The following FOXJ3 variants were observed in gnomAD, a reference collection of about 807,000 sequenced individuals.
FOXJ3 encodes forkhead box J3.
FOXJ3 carries 22 observed loss-of-function variants against 76.1 expected under a neutral mutation model. The observed-to-expected ratio is 0.29, with a 90% CI of 0.21 to 0.41. The LOEUF (loss-of-function observed/expected upper bound fraction) is 0.41. Ranked by LOEUF, FOXJ3 falls within the 10% of genes least tolerant of loss-of-function variation. The pLI is 1.00. For missense variants in FOXJ3, 613 were observed against 762.1 expected, an observed-to-expected ratio of 0.80 and a Z score of 2.30; for synonymous variants, 269 against 261.2, an observed-to-expected ratio of 1.03 and a Z score of -0.29.
intron 6 of FOXJ3, among the ~76,000 whole-genome samples, chr1:42,200,879 C>T (rs945670177): frequency 1.3e-5 from 2 of 152,172 alleles, no homozygotes; most frequent in African/African-American, 4.8e-5. Flanking sequence ...CCACAAAGAA[C>T]ATCTGGACTG....
In FOXJ3 at chr1:42,191,534, G is replaced by T. The variant is rs780674514; in HGVS notation, c.1120C>A (p.Gln374Lys). The T allele has an allele frequency of 5.6e-6, 9 of 1,614,024 alleles. No individual in the cohort carries two copies. The highest frequency in any genetic ancestry group is 1.7e-4 in the Middle Eastern group (1 of 6,058). ...SVAQVSLSHP[Q>K]MHTQPSPHPP... ...TGTGGAGATGGCTGTGTGTGCATCT[G>T]GGGGTGAGACAGTGAGACCTGTGCA... The change falls in exon 9 of 13, where the codon CAG (glutamine) becomes AAG (lysine). Residue 374 changes from glutamine to lysine, a missense_variant. Transcript: ENST00000361346.
At chr1:42,282,745 C>T (rs903668529) in intron 2 of FOXJ3, among the ~76,000 whole-genome samples, 2 of 152,154 alleles carry the variant, frequency 1.3e-5, no homozygotes, top group Admixed American at 6.6e-5. Context: ...AAACATCTCC[C>T]GCTACAGAAA....
intron 5 of FOXJ3, among the ~76,000 whole-genome samples, chr1:42,211,769 A>G (rs188547580): frequency 2.5e-4 from 38 of 152,314 alleles, no homozygotes; most frequent in Admixed American, 3.9e-4. Flanking sequence ...CATCTGAGAA[A>G]GCCACTACAC....
At chr1:42,329,752 T>C (rs1019246057) in intron 1 of FOXJ3, among the ~76,000 whole-genome samples, 6 of 152,264 alleles carry the variant, frequency 3.9e-5, no homozygotes, top group African/African-American at 1.2e-4. Context: ...TACACTGTAG[T>C]GTTAAGTCCA....
At chr1:42,325,572 G>T (rs1655784186) in intron 1 of FOXJ3, among the ~76,000 whole-genome samples, 1 of 152,170 alleles carries the variant, frequency 6.6e-6, no homozygotes, top group Non-Finnish European at 1.5e-5. Context: ...TGAGAGAAAT[G>T]ATGAGTCCAA....
chr1:42,198,906 T>A (rs1344628469), intron 7 of FOXJ3, among the ~76,000 whole-genome samples, 196 bp downstream of exon 7: 1 of 152,184 alleles, frequency 6.6e-6, no homozygotes, highest in Non-Finnish European at 1.5e-5. Flanking sequence ...AACCATTTTT[T>A]AAAAATCTAA....
chr1:42,280,320 C>T lies in FOXJ3; in HGVS notation c.45-1648G>A, dbSNP rs1486006517. 7 of 982,654 alleles carry T rather than the reference C, an allele frequency of 7.1e-6. No individual in the cohort carries two copies. The African/African-American group carries it at 1.2e-4, about 17-fold the overall frequency. The allele number at this position is 982,654 out of a possible 1,614,324, so 60.9% of individuals were successfully genotyped here. ...CAGTAAATTGAGTCCTCTTGATTTT[C>T]AGGTATGTTGATCCATAATTTTACC... On this transcript the variant is annotated intron_variant, in intron 2 of 12. Transcript: ENST00000361346.
chr1:42,228,217 G>A lies in FOXJ3; in HGVS notation c.445-251C>T, dbSNP rs149468568. Among the ~76,000 whole-genome samples the A allele has an allele frequency of 5.5e-3, 843 of 152,128 alleles. 1 individual carries two copies. The highest frequency in any genetic ancestry group is 9.4e-3 in the Non-Finnish European group (640 of 67,982). ...AGAACTTCTGCCACACCAAAATTTA[G>A]AAAGAAAATGATCAACAAAACACAT... On this transcript the variant is annotated intron_variant, in intron 4 of 12. Transcript: ENST00000361346.
At chr1:42,182,100 G>T in intron 11 of FOXJ3, 76 bp from the exon 12 acceptor site, 1 of 762,226 alleles carries the variant, frequency 1.3e-6, no homozygotes, top group East Asian at 2.7e-5. Context: ...AATCTTAACA[G>T]AATTGTTACT....
intron 2 of FOXJ3, among the ~76,000 whole-genome samples, chr1:42,289,719 A>AAAT (rs1351672895): frequency 2.6e-5 from 4 of 152,156 alleles, no homozygotes; most frequent in Non-Finnish European, 5.9e-5. Context: ...AAGCTATTTA[A>AAAT]CAATATAAAA....
At chr1:42,274,649 T>C (rs1652120695) in intron 3 of FOXJ3, among the ~76,000 whole-genome samples, 5 of 152,250 alleles carry the variant, frequency 3.3e-5, no homozygotes, top group African/African-American at 4.8e-5. Flanking sequence ...AAAGAGACAA[T>C]GATGGCACTT....
intron 4 of FOXJ3, among the ~76,000 whole-genome samples, chr1:42,257,872 C>T (rs1006127967): frequency 2.0e-5 from 3 of 152,096 alleles, no homozygotes; most frequent in Middle Eastern, 3.4e-3. Context: ...TTAACTATTC[C>T]AAAACTTTAT....
chr1:42,223,824 T>C (rs1048020079), intron 5 of FOXJ3, among the ~76,000 whole-genome samples: 3 of 152,228 alleles, frequency 2.0e-5, no homozygotes, highest in Non-Finnish European at 4.4e-5. Flanking sequence ...GATTCAGTGT[T>C]GTAGTCTTCA....
At position 42,302,748 on chromosome 1, in the gene FOXJ3, T is replaced by C. The variant is rs79272574; in HGVS notation, c.44+8302A>G. On this transcript the variant is annotated intron_variant, in intron 2 of 12. Transcript: ENST00000361346. ...ATCAAATCATTTAATTTTTTTATTTTTCAGTAGTATTATTTTGCACTATAT... is the reference window on the plus strand; with the variant it reads ...ATCAAATCATTTAATTTTTTTATTTCTCAGTAGTATTATTTTGCACTATAT... 7.9e-3 allele frequency among the ~76,000 whole-genome samples: 1,210 copies of C among 152,338 alleles called. 6 individuals are homozygous for C. The highest frequency in any genetic ancestry group is 0.013 in the Non-Finnish European group (876 of 68,034).
At chr1:42,323,923 T>C (rs1655580214) in intron 1 of FOXJ3, 1 of 151,730 alleles carries the variant, frequency 6.6e-6, no homozygotes. Flanking sequence ...AAAGGTGTTC[T>C]AAAAGTAGCC....
chr1:42,294,365 C>G (rs1423624493), intron 2 of FOXJ3, among the ~76,000 whole-genome samples: 1 of 152,136 alleles, frequency 6.6e-6, no homozygotes, highest in African/African-American at 2.4e-5. Flanking sequence ...AGGATCTGAA[C>G]CAAGGGTGCT....
intron 4 of FOXJ3, among the ~76,000 whole-genome samples, chr1:42,255,912 C>A (rs546889648): frequency 6.6e-6 from 1 of 152,298 alleles, no homozygotes; most frequent in East Asian, 1.9e-4. Context: ...GTCCCAGCTA[C>A]TCGGGAGGCT....
intron 4 of FOXJ3, among the ~76,000 whole-genome samples, chr1:42,241,884 C>T (rs1342717669): frequency 2.0e-5 from 3 of 152,232 alleles, no homozygotes; most frequent in Non-Finnish European, 2.9e-5. Flanking sequence ...ATCCAACCCA[C>T]CACTACCACC....
intron 5 of FOXJ3, among the ~76,000 whole-genome samples, chr1:42,211,022 T>C (rs1268648635): frequency 1.3e-5 from 2 of 152,084 alleles, no homozygotes; most frequent in East Asian, 3.9e-4. Context: ...AACTTTCCAC[T>C]TGTGGGGGAG....
Sources: gnomAD v4.1 joint callset for allele counts (sites outside exome capture counted in the v4.1 genomes callset) on GRCh38, gnomAD v4.1.1 for gene constraint, MANE v1.5 for transcripts, NCBI Gene and HGNC (gene_info 2026-07-23, HGNC 2026-07-21) for gene names.